Variants in ALCAM observed in about 807,000 individuals in gnomAD.
The protein encoded by ALCAM is CD166 antigen.
Under a neutral mutation model 70.9 loss-of-function variants are expected in ALCAM, and 30 were observed. That is an observed-to-expected ratio of 0.42 (90% CI 0.32 to 0.57). The LOEUF is 0.57. Among genes scored for constraint, ALCAM ranks in the 20% least tolerant of loss-of-function variants. The pLI is 0.11. For missense variants in ALCAM, 591 were observed against 695.1 expected (o/e 0.85, Z 1.68); for synonymous variants, 249 against 242.5 (o/e 1.03, Z -0.25).
chr3:105,524,921 C>T (rs532418158), intron 3 of ALCAM: 2 of 985,960 alleles, frequency 2.0e-6, no homozygotes, highest in Non-Finnish European at 2.4e-6. Context: ...AATGAAATTG[C>T]CATTTTGCTG....
chr3:105,403,899 CA>C lies in ALCAM; in HGVS notation c.73+36420del, dbSNP rs1936154401. Among the ~76,000 whole-genome samples, 3 of 151,168 alleles carry C rather than the reference CA, an allele frequency of 2.0e-5. No homozygotes were observed. In the South Asian group the frequency reaches 6.3e-4, roughly 32 times the overall value. ...AGATAGCATAAATAAAAAACAATCA[CA>C]ACTTCTAGAAATCAAGGACACACTT... is the stretch of plus-strand genomic sequence containing the variant. On this transcript the variant is annotated intron_variant, in intron 1 of 15. Coordinates refer to ENST00000306107, the MANE Select transcript of ALCAM (RefSeq NM_001627.4).
At chr3:105,433,029 A>G (rs1221506489) in intron 1 of ALCAM, among the ~76,000 whole-genome samples, 3 of 152,188 alleles carry the variant, frequency 2.0e-5, no homozygotes, top group East Asian at 3.8e-4. Flanking sequence ...AAGTGGCCAT[A>G]TAGGAAAGCA....
intron 14 of ALCAM, among the ~76,000 whole-genome samples, chr3:105,557,208 G>A (rs752428422): frequency 3.9e-5 from 6 of 152,120 alleles, no homozygotes; most frequent in Admixed American, 6.6e-5. Flanking sequence ...TGAGAAGTCA[G>A]ACTAATTCAA....
chr3:105,490,466 A>G (rs1194073669), intron 1 of ALCAM, among the ~76,000 whole-genome samples: 1 of 152,162 alleles, frequency 6.6e-6, no homozygotes, highest in Non-Finnish European at 1.5e-5. Flanking sequence ...TCTTAAGTAC[A>G]CACTTGTGTT....
intron 1 of ALCAM, among the ~76,000 whole-genome samples, chr3:105,502,267 G>A (rs1938941488): frequency 6.6e-6 from 1 of 152,160 alleles, no homozygotes; most frequent in Non-Finnish European, 1.5e-5. Context: ...GTTTTCTCTA[G>A]TCTCTTTACA....
chr3:105,551,240 A>G (rs986525774), intron 12 of ALCAM, among the ~76,000 whole-genome samples: 1 of 151,692 alleles, frequency 6.6e-6, no homozygotes, highest in African/African-American at 2.4e-5. Context: ...AGATAGAAGC[A>G]TTGACTTCTC....
chr3:105,366,981 C>T lies in ALCAM; in HGVS notation c.-428C>T, dbSNP rs1170100718. The T allele has an allele frequency of 6.1e-6, 1 of 165,194 alleles. No homozygotes were observed. Among genetic ancestry groups the T allele is most frequent in the African/African-American group, 2.4e-5 (1 of 41,620 alleles). 10.2% of individuals were successfully genotyped at this position (165,194 alleles called of 1,614,324 possible). A position where few individuals can be genotyped will look rare whatever the true frequency, so the allele number is the denominator to read the frequency against. On this transcript the variant is annotated 5_prime_UTR_variant, in exon 1 of 16. Coordinates refer to ENST00000306107, the MANE Select transcript of ALCAM (RefSeq NM_001627.4). ...GCCACCTGAGGAGACCCGCCGCCCC[C>T]CCGTCGCCGCCTCCTGCGAGTCCTT...
intron 1 of ALCAM, among the ~76,000 whole-genome samples, chr3:105,429,794 T>G (rs1406014147): frequency 1.3e-5 from 2 of 151,988 alleles, no homozygotes; most frequent in Non-Finnish European, 2.9e-5. Flanking sequence ...CTACAAAACT[T>G]ATGTTTAAAA....
At chr3:105,493,332 A>C (rs1024780610) in intron 1 of ALCAM, among the ~76,000 whole-genome samples, 2 of 152,210 alleles carry the variant, frequency 1.3e-5, no homozygotes, top group Non-Finnish European at 2.9e-5. Flanking sequence ...AATCACATTT[A>C]TTAAGCACAT....
chr3:105,432,473 G>A (rs1200593541), intron 1 of ALCAM, among the ~76,000 whole-genome samples: 1 of 151,902 alleles, frequency 6.6e-6, no homozygotes, highest in Admixed American at 6.6e-5. Context: ...AAAAAGATGT[G>A]AGCTTCAGAT....
At position 105,449,323 on chromosome 3, in the gene ALCAM, A is replaced by G. The variant is rs1576170170; in HGVS notation, c.74-70744A>G. Among the ~76,000 whole-genome samples the G allele has an allele frequency of 2.6e-5, 4 of 152,238 alleles. No homozygotes were observed. The East Asian group carries it at 5.8e-4, about 22-fold the overall frequency. On this transcript the variant is annotated intron_variant, in intron 1 of 15. Coordinates refer to ENST00000306107, the MANE Select transcript of ALCAM (RefSeq NM_001627.4). Reference sequence around the variant, plus strand: ...ACAGTTTTGTGAACAAAAAGCTTGCATATTTAATAAGTAAGTTATTCAAAT... The same window carrying G: ...ACAGTTTTGTGAACAAAAAGCTTGCGTATTTAATAAGTAAGTTATTCAAAT...
chr3:105,368,064 TTGTC>T (rs1935116454), intron 1 of ALCAM, among the ~76,000 whole-genome samples: 1 of 151,648 alleles, frequency 6.6e-6, no homozygotes, highest in Admixed American at 6.6e-5. Flanking sequence ...TCCCCGTCCA[TTGTC>T]TGGGCGGGTG....
rs1940961200 is a variant in ALCAM at position 105,576,220 on chromosome 3, A to G, written c.*1769A>G. On this transcript the variant is annotated 3_prime_UTR_variant, in exon 16 of 16. Transcript: ENST00000306107. ...TCTTGGTCAACATTTAAACCAAAGTAAAAGGGGAAAAACCAAAGTTATTTG... is the reference window on the plus strand; with the variant it reads ...TCTTGGTCAACATTTAAACCAAAGTGAAAGGGGAAAAACCAAAGTTATTTG... The G allele has an allele frequency of 6.5e-6, 1 of 152,740 alleles. No individual in the cohort carries two copies. Among genetic ancestry groups the G allele is most frequent in the South Asian group, 2.1e-4 (1 of 4,832 alleles). 9.5% of individuals were successfully genotyped at this position (152,740 alleles called of 1,614,324 possible).
chr3:105,455,447 A>C, intron 1 of ALCAM, among the ~76,000 whole-genome samples: 1 of 151,536 alleles, frequency 6.6e-6, no homozygotes. Flanking sequence ...GTCTCAAAAA[A>C]AAAAAAAAAA....
chr3:105,503,270 C>A (rs945000330), intron 1 of ALCAM, among the ~76,000 whole-genome samples: 3 of 152,232 alleles, frequency 2.0e-5, no homozygotes, highest in Admixed American at 2.0e-4. Context: ...CACAAAAAGA[C>A]AGCTTTCCTA....
Position 105,545,279 on chromosome 3 carries a change from C to G in ALCAM, c.1048C>G (p.Leu350Val). The change falls in exon 9 of 16, where the codon CTA (leucine) becomes GTA (valine). Residue 350 changes from leucine to valine, a missense_variant. By Grantham distance (32) the Leu-to-Val change is conservative. Around this residue, in one of 2 missense-constraint regions of ALCAM, gnomAD observed 427 missense variants for 450.4 expected, o/e 0.95. Transcript: ENST00000306107. ...GEVTRQIGDA[L>V]PVSCTISASR... ...AGTGACTAGACAGATTGGTGATGCC[C>G]TACCCGTGTCATGCACAATATCTGC... The G allele has an allele frequency of 6.2e-7, 1 of 1,609,202 alleles. No homozygotes were observed. Among genetic ancestry groups the G allele is most frequent in the Non-Finnish European group, 8.5e-7 (1 of 1,176,422 alleles).
intron 1 of ALCAM, among the ~76,000 whole-genome samples, chr3:105,509,436 T>G (rs1409202257): frequency 6.6e-6 from 1 of 152,090 alleles, no homozygotes; most frequent in Non-Finnish European, 1.5e-5. Flanking sequence ...GTCATTGTGA[T>G]TTTGATTTAA....
chr3:105,528,544 T>C (rs549843418), intron 3 of ALCAM, among the ~76,000 whole-genome samples: 47 of 152,206 alleles, frequency 3.1e-4, no homozygotes, highest in Non-Finnish European at 5.7e-4. Context: ...CTTTTCACTA[T>C]ATATGATCAG....
intron 14 of ALCAM, among the ~76,000 whole-genome samples, chr3:105,568,864 A>C (rs1940799947): frequency 6.6e-6 from 1 of 152,216 alleles, no homozygotes; most frequent in Admixed American, 6.5e-5. Context: ...AAGAGTTAAC[A>C]AAGTACACTT....
Sources: gnomAD v4.1 joint callset for allele counts (sites outside exome capture counted in the v4.1 genomes callset) on GRCh38, gnomAD v4.1.1 for gene constraint, gnomAD v4.1.1 regional missense constraint, MANE v1.5 for transcripts, NCBI Gene and HGNC (gene_info 2026-07-23, HGNC 2026-07-21) for gene names.